GRM8: variants seen among roughly 807,000 people sequenced by gnomAD.
GRM8 encodes glutamate metabotropic receptor 8.
GRM8 carries 47 observed loss-of-function variants against 87.2 expected under a neutral mutation model. The ratio of observed to expected loss-of-function variants is 0.54; its 90% confidence interval spans 0.43 to 0.69. GRM8 has a LOEUF of 0.69. Ranked by LOEUF, GRM8 falls within the 30% of genes least tolerant of loss-of-function variation. GRM8 has a pLI of 0.00. For missense variants in GRM8, 1,019 were observed against 1,139.2 expected (o/e 0.89, Z 1.52); for synonymous variants, 396 against 404.5 (o/e 0.98, Z 0.25).
chr7:126,805,124 C>A (rs993737429), intron 6 of GRM8, among the ~76,000 whole-genome samples: 1 of 152,094 alleles, frequency 6.6e-6, no homozygotes, highest in African/African-American at 2.4e-5. Context: ...AAAGCCAAAC[C>A]GTAACTCCTA....
chr7:126,533,790 C>T lies in GRM8; in HGVS notation c.1592G>A (p.Gly531Glu). 6.2e-7 allele frequency: 1 copy of T among 1,613,942 alleles called. No individual in the cohort carries two copies. Among genetic ancestry groups the T allele is most frequent in the Non-Finnish European group, 8.5e-7 (1 of 1,179,908 alleles). The change falls in exon 9 of 11, where the codon GGG (glycine) becomes GAG (glutamate). Residue 531 changes from glycine to glutamate, a missense_variant. Gly to Glu is a moderately conservative substitution (Grantham distance 98). Coordinates refer to ENST00000339582, the MANE Select transcript of GRM8 (RefSeq NM_000845.3). ...KPGERKKTVK[G>E]VPCCWHCERC... ...TTCACAGTGCCAGCAGCAAGGGACCCCTTTCACCGTTTTCTTCCTCTCCCC... is the reference window on the plus strand; with the variant it reads ...TTCACAGTGCCAGCAGCAAGGGACCTCTTTCACCGTTTTCTTCCTCTCCCC...
chr7:126,473,873 C>G (rs1046800632), intron 9 of GRM8, among the ~76,000 whole-genome samples: 3 of 152,122 alleles, frequency 2.0e-5, no homozygotes, highest in African/African-American at 7.2e-5. Context: ...TGAACACACT[C>G]TCTTGCCTGT....
intron 2 of GRM8, among the ~76,000 whole-genome samples, chr7:127,234,847 G>T (rs1358551463): frequency 6.6e-6 from 1 of 152,162 alleles, no homozygotes; most frequent in African/African-American, 2.4e-5. Flanking sequence ...CATTACCTTT[G>T]GTTGCAAACA....
At chr7:127,234,862 T>C (rs953378830) in intron 2 of GRM8, among the ~76,000 whole-genome samples, 2 of 152,218 alleles carry the variant, frequency 1.3e-5, no homozygotes, top group Non-Finnish European at 2.9e-5. Context: ...CAAACAGCTA[T>C]GAGAAGAGCC....
intron 3 of GRM8, among the ~76,000 whole-genome samples, chr7:127,017,974 A>C (rs971565095): frequency 2.0e-5 from 3 of 152,046 alleles, no homozygotes; most frequent in Non-Finnish European, 4.4e-5. Flanking sequence ...ATTTATTGAG[A>C]ATCCACTTTA....
intron 8 of GRM8, among the ~76,000 whole-genome samples, chr7:126,590,095 A>G (rs904488751): frequency 6.2e-5 from 9 of 144,026 alleles, no homozygotes; most frequent in Non-Finnish European, 3.0e-5. Context: ...GGCAGCAGAG[A>G]AAGGTGAAGT....
intron 3 of GRM8, among the ~76,000 whole-genome samples, chr7:127,091,627 A>G (rs1424281855): frequency 1.5e-5 from 1 of 67,654 alleles, no homozygotes; most frequent in African/African-American, 6.2e-5. Context: ...TGTCCCACTC[A>G]TCATCCCCCG....
At chr7:126,918,237 A>C (rs1346787117) in intron 3 of GRM8, among the ~76,000 whole-genome samples, 1 of 152,228 alleles carries the variant, frequency 6.6e-6, no homozygotes, top group East Asian at 1.9e-4. Flanking sequence ...ATTGATATGC[A>C]TCAGAATCAA....
chr7:127,046,405 A>G (rs17861397), intron 3 of GRM8, among the ~76,000 whole-genome samples: 2 of 152,006 alleles, frequency 1.3e-5, no homozygotes, highest in African/African-American at 4.8e-5. Context: ...AAAGAAAATC[A>G]TTTTTTCTGT....
intron 8 of GRM8, among the ~76,000 whole-genome samples, chr7:126,545,253 A>G (rs1817017618): frequency 6.6e-6 from 1 of 152,222 alleles, no homozygotes; most frequent in South Asian, 2.1e-4. Context: ...GGGATGTAAT[A>G]ACCTTATTAT....
chr7:126,699,578 T>G (rs559149033), intron 7 of GRM8, among the ~76,000 whole-genome samples: 1 of 152,282 alleles, frequency 6.6e-6, no homozygotes, highest in Admixed American at 6.5e-5. Flanking sequence ...CCTCTTCTAT[T>G]TCCTCTTTCA....
intron 2 of GRM8, among the ~76,000 whole-genome samples, chr7:127,239,211 G>A (rs17865329): frequency 0.013 from 2,028 of 152,310 alleles, 41 homozygotes; most frequent in African/African-American, 0.042. Flanking sequence ...AGGAAACTGA[G>A]ACATTTAGGG....
chr7:127,145,514 T>A (rs1340424193), intron 2 of GRM8, among the ~76,000 whole-genome samples: 1 of 152,160 alleles, frequency 6.6e-6, no homozygotes, highest in Non-Finnish European at 1.5e-5. Context: ...GCAACCCAAT[T>A]CCATAACATC....
intron 9 of GRM8, among the ~76,000 whole-genome samples, chr7:126,493,321 A>G (rs1808274084): frequency 6.6e-6 from 1 of 152,044 alleles, no homozygotes; most frequent in African/African-American, 2.4e-5. Flanking sequence ...AGTATCTCAC[A>G]TGTGGTGAGA....
chr7:126,472,352 A>T (rs565045067), intron 9 of GRM8, among the ~76,000 whole-genome samples: 91 of 152,238 alleles, frequency 6.0e-4, no homozygotes, highest in Middle Eastern at 6.8e-3. Flanking sequence ...TTATTTTGAA[A>T]TACCTCCCAT....
chr7:127,171,603 AT>A (rs1201425233), intron 2 of GRM8, among the ~76,000 whole-genome samples: 2 of 152,230 alleles, frequency 1.3e-5, no homozygotes, highest in South Asian at 2.1e-4. Flanking sequence ...GATCATTAGC[AT>A]TTTTTAGCAA....
At chr7:127,122,801 T>C (rs1827161418) in intron 2 of GRM8, among the ~76,000 whole-genome samples, 1 of 151,992 alleles carries the variant, frequency 6.6e-6, no homozygotes, top group Non-Finnish European at 1.5e-5. Context: ...ATGGAAATAC[T>C]GAGATAAAAA....
At chr7:126,565,181 G>T (rs776161049) in intron 8 of GRM8, among the ~76,000 whole-genome samples, 31 of 152,226 alleles carry the variant, frequency 2.0e-4, no homozygotes, top group Non-Finnish European at 3.8e-4. Context: ...CGTGGTAATG[G>T]AAGTCCCAGC....
intron 3 of GRM8, among the ~76,000 whole-genome samples, chr7:127,068,319 C>A (rs1211998510): frequency 2.0e-5 from 3 of 152,136 alleles, no homozygotes; most frequent in African/African-American, 7.2e-5. Context: ...ACAATTTATT[C>A]AAAGCTTTCA....
Sources: gnomAD v4.1 joint callset for allele counts (sites outside exome capture counted in the v4.1 genomes callset) on GRCh38, gnomAD v4.1.1 for gene constraint, MANE v1.5 for transcripts, NCBI Gene and HGNC (gene_info 2026-07-23, HGNC 2026-07-21) for gene names.